The following DCBLD2 variants were observed in gnomAD, a reference collection of about 807,000 sequenced individuals.
DCBLD2 encodes discoidin, CUB and LCCL domain-containing protein 2.
Under a neutral mutation model 86.8 loss-of-function variants are expected in DCBLD2, and 54 were observed. The observed-to-expected ratio is 0.62, with a 90% CI of 0.50 to 0.78. The LOEUF is 0.78. Among genes scored for constraint, DCBLD2 ranks in the 30% least tolerant of loss-of-function variants. The pLI, the probability that DCBLD2 is intolerant of heterozygous loss-of-function variation, is 0.00. For missense variants in DCBLD2, 908 were observed against 954.2 expected (o/e 0.95, Z 0.64); for synonymous variants, 354 against 341.3 (o/e 1.04, Z -0.41).
At chr3:98,860,203 T>C (rs1002755125) in intron 2 of DCBLD2, among the ~76,000 whole-genome samples, 4 of 152,106 alleles carry the variant, frequency 2.6e-5, no homozygotes, top group Admixed American at 1.3e-4. Flanking sequence ...GAACAAAGCC[T>C]CCAAGAAATA....
At chr3:98,861,591 A>G (rs1038878233) in intron 2 of DCBLD2, among the ~76,000 whole-genome samples, 3 of 152,156 alleles carry the variant, frequency 2.0e-5, no homozygotes, top group African/African-American at 7.2e-5. Context: ...ACCGCTCAAC[A>G]ACGTGGAAAC....
chr3:98,859,414 G>A (rs1028949715), intron 2 of DCBLD2, among the ~76,000 whole-genome samples: 1 of 152,222 alleles, frequency 6.6e-6, no homozygotes, highest in African/African-American at 2.4e-5. Context: ...TCTGAGAACA[G>A]ACAGACTGCC....
In DCBLD2 at chr3:98,881,528, A is replaced by C; in HGVS notation, c.433+12T>G. On this transcript the variant is annotated intron_variant, in intron 2 of 15. Transcript: ENST00000326840. ...ATGTATTTACATGTACATTTACAAA[A>C]AAAAGTCCTACCTATTTCAGTTCTG... 1 of 1,609,424 alleles carries C rather than the reference A, an allele frequency of 6.2e-7. No individual in the cohort carries two copies. The highest frequency in any genetic ancestry group is 8.5e-7 in the Non-Finnish European group (1 of 1,176,582).
chr3:98,822,452 TA>T (rs1431600891), intron 5 of DCBLD2, 91 bp from the exon 6 acceptor site: 1 of 1,466,030 alleles, frequency 6.8e-7, no homozygotes, highest in African/African-American at 1.4e-5. Context: ...TCAGTTAATC[TA>T]GGCAGTTTCT....
At chr3:98,898,000 A>G (rs1943780431) in intron 1 of DCBLD2, among the ~76,000 whole-genome samples, 1 of 152,102 alleles carries the variant, frequency 6.6e-6, no homozygotes, top group Non-Finnish European at 1.5e-5. Flanking sequence ...AGTTTCACCA[A>G]TTTAATTTTT....
intron 14 of DCBLD2, 52 bp downstream of exon 14, chr3:98,801,548 G>C (rs552108283): frequency 1.3e-6 from 2 of 1,485,786 alleles, no homozygotes; most frequent in Non-Finnish European, 1.9e-6. Context: ...GCCCCCTGTA[G>C]GGGAGCGACA....
intron 3 of DCBLD2, among the ~76,000 whole-genome samples, chr3:98,845,225 G>A (rs1455612121): frequency 6.6e-6 from 1 of 152,014 alleles, no homozygotes; most frequent in Non-Finnish European, 1.5e-5. Context: ...AATAGCAGAG[G>A]GGGGAAAAAG....
rs767181459 is a variant in DCBLD2 at position 98,811,555 on chromosome 3, C to A, written c.1364-1G>T. 2.6e-6 allele frequency: 4 copies of A among 1,554,548 alleles called. No individual in the cohort carries two copies. In the South Asian group the frequency reaches 4.9e-5, roughly 19 times the overall value. On this transcript the variant is annotated splice_acceptor_variant, in intron 10 of 15. Coordinates refer to ENST00000326840, the MANE Select transcript of DCBLD2 (RefSeq NM_080927.4). LOFTEE classifies it high-confidence loss of function. ...GGTTGAGTAAGTTTTGGAGGACGAC[C>A]TTGAAAAATGGTTTAGAAAAATTTA...
At chr3:98,863,443 A>G (rs897939485) in intron 2 of DCBLD2, among the ~76,000 whole-genome samples, 4 of 152,130 alleles carry the variant, frequency 2.6e-5, no homozygotes, top group African/African-American at 7.2e-5. Flanking sequence ...GGAGGCATCA[A>G]GCTACTTGAC....
At chr3:98,888,553 C>G (rs1011768495) in intron 1 of DCBLD2, among the ~76,000 whole-genome samples, 22 of 151,892 alleles carry the variant, frequency 1.4e-4, no homozygotes, top group African/African-American at 4.6e-4. Context: ...AACGACATAC[C>G]ATACGAAAAC....
At chr3:98,875,653 C>A (rs1425350131) in intron 2 of DCBLD2, among the ~76,000 whole-genome samples, 1 of 152,140 alleles carries the variant, frequency 6.6e-6, no homozygotes. Context: ...TTAACACATA[C>A]CGTAAAGCCT....
At chr3:98,840,192 A>G (rs1942595229) in intron 3 of DCBLD2, among the ~76,000 whole-genome samples, 1 of 152,218 alleles carries the variant, frequency 6.6e-6, no homozygotes, top group Non-Finnish European at 1.5e-5. Context: ...TAAGAAATTT[A>G]TTGCCGTAAT....
intron 12 of DCBLD2, 85 bp downstream of exon 12, chr3:98,811,109 C>A: frequency 7.2e-7 from 1 of 1,387,152 alleles, no homozygotes; most frequent in South Asian, 1.8e-5. Context: ...AGAAAATAAA[C>A]TGAAGGTTTA....
At position 98,901,372 on chromosome 3, in the gene DCBLD2, C is replaced by G; in HGVS notation, c.-46G>C. On this transcript the variant is annotated 5_prime_UTR_variant, in exon 1 of 16. Transcript: ENST00000326840. ...CTGCATAGTGCGGGTGCCTCGGCAG[C>G]CCCGCGCGCCTCTGGCCGCGGCACC... The G allele has an allele frequency of 7.8e-7, 1 of 1,275,760 alleles. No individual in the cohort carries two copies. The highest frequency in any genetic ancestry group is 9.8e-7 in the Non-Finnish European group (1 of 1,017,602). The allele number at this position is 1,275,760 out of a possible 1,614,324, so 79.0% of individuals were successfully genotyped here. A position where few individuals can be genotyped will look rare whatever the true frequency, so the allele number is the denominator to read the frequency against.
intron 1 of DCBLD2, among the ~76,000 whole-genome samples, 174 bp from the exon 2 acceptor site, chr3:98,881,941 A>T (rs1943479367): frequency 6.6e-6 from 1 of 152,132 alleles, no homozygotes. Flanking sequence ...TGGGGTTCAC[A>T]GTGATGTTCT....
chr3:98,867,114 G>A (rs566788264), intron 2 of DCBLD2, among the ~76,000 whole-genome samples: 2 of 152,332 alleles, frequency 1.3e-5, no homozygotes, highest in African/African-American at 4.8e-5. Context: ...CTGTAGCCTT[G>A]TAGTATAGTT....
chr3:98,838,751 G>A (rs35024485), intron 3 of DCBLD2, among the ~76,000 whole-genome samples: 54,656 of 151,694 alleles, frequency 0.36, 10,952 homozygotes, highest in East Asian at 0.71. Flanking sequence ...CTCCAGCCTG[G>A]GCACCATTGA....
chr3:98,890,682 C>A (rs1457468942), intron 1 of DCBLD2, among the ~76,000 whole-genome samples: 1 of 151,988 alleles, frequency 6.6e-6, no homozygotes, highest in African/African-American at 2.4e-5. Context: ...TACTTCATAT[C>A]TCCCCTCCCT....
chr3:98,815,957 A>G lies in DCBLD2; in HGVS notation c.1212+1812T>C, dbSNP rs570364680. On this transcript the variant is annotated intron_variant, in intron 9 of 15. Coordinates refer to ENST00000326840, the MANE Select transcript of DCBLD2 (RefSeq NM_080927.4). ...AAAATTAGAATTGGGGAAGGGAAAT[A>G]TTTGAAAAAAAAAGAACTACAATTT... 1.2e-3 allele frequency: 11 copies of G among 9,494 alleles called. No individual in the cohort carries two copies. In the South Asian group the frequency reaches 0.11, roughly 97 times the overall value. 0.6% of individuals were successfully genotyped at this position (9,494 alleles called of 1,614,324 possible).
Sources: allele counts gnomAD v4.1 joint callset (sites outside exome capture counted in the v4.1 genomes callset), GRCh38; gene constraint gnomAD v4.1.1; transcripts MANE v1.5; gene names NCBI Gene and HGNC (gene_info 2026-07-23, HGNC 2026-07-21).